The following DDX4 variants were observed in gnomAD, a reference collection of about 807,000 sequenced individuals.
DDX4 encodes DEAD-box helicase 4, also known as probable ATP-dependent RNA helicase DDX4.
A neutral mutation model predicts 100.0 loss-of-function variants in DDX4; 25 were observed. That is an observed-to-expected ratio of 0.25 (90% CI 0.18 to 0.35). The LOEUF (loss-of-function observed/expected upper bound fraction) is 0.35, where lower values mean the gene tolerates loss of function less well. Among genes scored for constraint, DDX4 ranks in the 10% least tolerant of loss-of-function variants. The pLI is 1.00. For synonymous variants in DDX4, 259 were observed against 275.7 expected, an observed-to-expected ratio of 0.94 and a Z score of 0.60; for missense variants, 635 against 882.4, an observed-to-expected ratio of 0.72 and a Z score of 3.55.
At chr5:55,795,040 A>G (rs1285234226) in intron 17 of DDX4, among the ~76,000 whole-genome samples, 1 of 147,442 alleles carries the variant, frequency 6.8e-6, no homozygotes, top group African/African-American at 2.5e-5. Context: ...ATCTCGGCTC[A>G]CCGCAACCTC....
chr5:55,808,758 G>T (rs181855373), intron 18 of DDX4, among the ~76,000 whole-genome samples: 1 of 152,226 alleles, frequency 6.6e-6, no homozygotes, highest in East Asian at 1.9e-4. Flanking sequence ...GGCTCCTTGG[G>T]GGTCAGGGAC....
chr5:55,812,517 TTGTGCCACTGCACTCCAGCAAGCC>T (rs1744178157), intron 18 of DDX4, among the ~76,000 whole-genome samples: 4 of 120,912 alleles, frequency 3.3e-5, no homozygotes, highest in Admixed American at 8.6e-5. Flanking sequence ...TGAGCCGAGA[TTGTGCCACTGCACTCCAGCAAGCC>T]GAGATTGCGC....
chr5:55,786,231 A>G (rs1742238248), intron 13 of DDX4, among the ~76,000 whole-genome samples: 1 of 152,192 alleles, frequency 6.6e-6, no homozygotes, highest in African/African-American at 2.4e-5. Context: ...TTATACTTAG[A>G]ACAAGCCATT....
chr5:55,770,015 G>A (rs949479369), intron 7 of DDX4, among the ~76,000 whole-genome samples: 1 of 152,030 alleles, frequency 6.6e-6, no homozygotes, highest in African/African-American at 2.4e-5. Flanking sequence ...CTACAGGCAT[G>A]TGCCAGCATG....
intron 16 of DDX4, 149 bp downstream of exon 16, chr5:55,790,854 A>T (rs2112047948): frequency 1.4e-6 from 1 of 705,732 alleles, no homozygotes; most frequent in East Asian, 2.7e-5. Flanking sequence ...TTCTTATATA[A>T]TTCTCAAGAT....
At chr5:55,803,024 G>C (rs1224543541) in intron 18 of DDX4, among the ~76,000 whole-genome samples, 3 of 151,432 alleles carry the variant, frequency 2.0e-5, no homozygotes, top group Non-Finnish European at 4.4e-5. Context: ...ATGTATACAT[G>C]TGCCATGTTG....
intron 18 of DDX4, among the ~76,000 whole-genome samples, chr5:55,801,621 G>A (rs1743314096): frequency 6.6e-6 from 1 of 152,124 alleles, no homozygotes; most frequent in Admixed American, 6.5e-5. Context: ...TAATCTCAGA[G>A]ATAGTCTTGA....
rs920103182 is a variant in DDX4 at position 55,775,426 on chromosome 5, T to G, written c.395-4538T>G. Among the ~76,000 whole-genome samples, 9 of 152,146 alleles carry G rather than the reference T, an allele frequency of 5.9e-5. No individual in the cohort carries two copies. In the South Asian group the frequency reaches 1.7e-3, roughly 28 times the overall value. On this transcript the variant is annotated intron_variant, in intron 7 of 21. Transcript: ENST00000505374. ...TTAAAATGCTGCGAAATTTGCTGTT[T>G]AAAAGAAAAAATTCCCTGGGTTGCT...
chr5:55,780,536 A>G (rs779219992), intron 8 of DDX4, among the ~76,000 whole-genome samples: 2 of 152,232 alleles, frequency 1.3e-5, no homozygotes, highest in Non-Finnish European at 2.9e-5. Flanking sequence ...TGGAAGCTAA[A>G]AACATAAATT....
chr5:55,781,114 T>G lies in DDX4; in HGVS notation c.545T>G (p.Phe182Cys). 1 of 1,612,932 alleles carries G rather than the reference T, an allele frequency of 6.2e-7. No homozygotes were observed. Among genetic ancestry groups the G allele is most frequent in the Non-Finnish European group, 8.5e-7 (1 of 1,179,702 alleles). The change falls in exon 9 of 22, where the codon TTT becomes TGT. Residue 182 changes from phenylalanine (F) to cysteine (C), a missense_variant. This residue lies in a region of DDX4 where 446 missense variants were observed against 540.8 expected (regional missense o/e 0.82). Coordinates refer to ENST00000505374, the MANE Select transcript of DDX4 (RefSeq NM_024415.3). The stretch of plus-strand genomic sequence containing the variant: ...TGTATGCAGCGCACTGGTGGCCTTT[T>G]TGGTTCTAGAAGACCAGTATTAAGT... ...DECMQRTGGL[F>C]GSRRPVLSGT...
intron 2 of DDX4, among the ~76,000 whole-genome samples, chr5:55,740,663 G>A (rs922405414): frequency 2.2e-5 from 3 of 136,026 alleles, no homozygotes; most frequent in Non-Finnish European, 3.1e-5. Flanking sequence ...GTGCCACCAC[G>A]CCCCGCTAAT....
At chr5:55,800,253 C>T (rs1318149104) in intron 18 of DDX4, among the ~76,000 whole-genome samples, 1 of 151,566 alleles carries the variant, frequency 6.6e-6, no homozygotes, top group East Asian at 1.9e-4. Flanking sequence ...ATTGATGCTG[C>T]TAATGCCGAA....
intron 14 of DDX4, among the ~76,000 whole-genome samples, chr5:55,787,343 G>A (rs1742306831): frequency 6.6e-6 from 1 of 152,198 alleles, no homozygotes; most frequent in Admixed American, 6.6e-5. Context: ...TTGCTTAAAT[G>A]AGAAAACTGT....
At chr5:55,754,866 A>G (rs1759828585) in intron 3 of DDX4, among the ~76,000 whole-genome samples, 2 of 152,160 alleles carry the variant, frequency 1.3e-5, no homozygotes, top group Admixed American at 1.3e-4. Context: ...TTATTGGTCT[A>G]TTCAGAGATT....
chr5:55,812,534 A>T (rs1744179922), intron 18 of DDX4, among the ~76,000 whole-genome samples: 1 of 121,472 alleles, frequency 8.2e-6, no homozygotes, highest in South Asian at 2.5e-4. Flanking sequence ...ACTGCACTCC[A>T]GCAAGCCGAG....
At chr5:55,802,071 TA>T (rs1010387893) in intron 18 of DDX4, among the ~76,000 whole-genome samples, 2 of 151,958 alleles carry the variant, frequency 1.3e-5, no homozygotes, top group East Asian at 1.9e-4. Context: ...CTTTGTTCCT[TA>T]AAAAAAAGTA....
intron 7 of DDX4, among the ~76,000 whole-genome samples, chr5:55,771,180 T>C (rs1741231894): frequency 6.6e-6 from 1 of 152,134 alleles, no homozygotes; most frequent in Admixed American, 6.5e-5. Context: ...CATAAGTGTA[T>C]AGTTCAATTA....
chr5:55,804,589 C>G (rs2112140766), intron 18 of DDX4, among the ~76,000 whole-genome samples: 1 of 152,212 alleles, frequency 6.6e-6, no homozygotes, highest in African/African-American at 2.4e-5. Context: ...AATCCTTTCC[C>G]CATTGCTTGT....
intron 18 of DDX4, among the ~76,000 whole-genome samples, chr5:55,802,363 A>G (rs1743368038): frequency 6.6e-6 from 1 of 152,240 alleles, no homozygotes; most frequent in African/African-American, 2.4e-5. Context: ...CAGCTAGCTT[A>G]AGAGGAAAAA....
Sources: allele counts gnomAD v4.1 joint callset (sites outside exome capture counted in the v4.1 genomes callset), GRCh38; gene constraint gnomAD v4.1.1; regional missense constraint gnomAD v4.1.1; transcripts MANE v1.5; gene names NCBI Gene and HGNC (gene_info 2026-07-23, HGNC 2026-07-21).